KCND2: variants seen among roughly 807,000 people sequenced by gnomAD.
KCND2 encodes the protein potassium voltage-gated channel subfamily D member 2.
KCND2 carries 16 observed loss-of-function variants against 54.4 expected under a neutral mutation model. That is an observed-to-expected ratio of 0.29 (90% CI 0.20 to 0.45). KCND2 has a LOEUF of 0.45. Ranked by LOEUF, KCND2 falls within the 20% of genes least tolerant of loss-of-function variation. The pLI, the probability that KCND2 is intolerant of heterozygous loss-of-function variation, is 1.00. For synonymous variants in KCND2, 317 were observed against 310.7 expected (o/e 1.02, Z -0.21); for missense variants, 486 against 824.2 (o/e 0.59, Z 5.02).
intron 1 of KCND2, among the ~76,000 whole-genome samples, chr7:120,545,084 A>T (rs1792027182): frequency 6.6e-6 from 1 of 151,914 alleles, no homozygotes. Flanking sequence ...ATATATTCAA[A>T]CAAACATTAC....
chr7:120,378,027 G>C (rs796356474), intron 1 of KCND2, among the ~76,000 whole-genome samples: 7 of 152,072 alleles, frequency 4.6e-5, no homozygotes, highest in African/African-American at 1.7e-4. Context: ...TTAGAGGAGA[G>C]AGAATGATGC....
At chr7:120,535,592 C>G (rs1261162773) in intron 1 of KCND2, among the ~76,000 whole-genome samples, 1 of 152,152 alleles carries the variant, frequency 6.6e-6, no homozygotes, top group East Asian at 1.9e-4. Context: ...AAGCCTGCCT[C>G]CCACTGCTGT....
At chr7:120,368,122 A>G (rs1390458164) in intron 1 of KCND2, among the ~76,000 whole-genome samples, 1 of 152,128 alleles carries the variant, frequency 6.6e-6, no homozygotes, top group Non-Finnish European at 1.5e-5. Flanking sequence ...GCATTTCAGC[A>G]TCAGCTTTTA....
intron 1 of KCND2, among the ~76,000 whole-genome samples, chr7:120,619,286 G>A (rs906914327): frequency 8.5e-5 from 13 of 152,052 alleles, no homozygotes; most frequent in Admixed American, 3.3e-4. Context: ...AAAAATTAGC[G>A]GGACATGGTA....
At chr7:120,728,282 C>CTT (rs758218585) in intron 1 of KCND2, among the ~76,000 whole-genome samples, 5 of 138,870 alleles carry the variant, frequency 3.6e-5, no homozygotes, top group Non-Finnish European at 6.3e-5. Flanking sequence ...CGTTCTTCTT[C>CTT]TTTTTTTTTT....
intron 1 of KCND2, among the ~76,000 whole-genome samples, chr7:120,674,613 T>C (rs574413051): frequency 9.9e-5 from 15 of 152,266 alleles, no homozygotes; most frequent in African/African-American, 3.6e-4. Context: ...AGATAAATAT[T>C]TTCAGATAAA....
intron 1 of KCND2, among the ~76,000 whole-genome samples, chr7:120,540,415 G>T (rs191787008): frequency 6.6e-6 from 1 of 151,890 alleles, no homozygotes; most frequent in East Asian, 1.9e-4. Context: ...TCTCAATATA[G>T]TTACTTAAAT....
intron 1 of KCND2, among the ~76,000 whole-genome samples, chr7:120,582,711 A>T (rs1792533333): frequency 6.6e-6 from 1 of 152,222 alleles, no homozygotes; most frequent in Non-Finnish European, 1.5e-5. Context: ...AAGATATATA[A>T]TTAAATAATT....
intron 1 of KCND2, among the ~76,000 whole-genome samples, chr7:120,708,323 T>A (rs996934862): frequency 2.0e-5 from 3 of 152,080 alleles, no homozygotes; most frequent in Admixed American, 2.0e-4. Context: ...AACTGATAGG[T>A]GTGCATGAGA....
intron 1 of KCND2, among the ~76,000 whole-genome samples, chr7:120,702,783 A>G (rs1792419685): frequency 6.6e-6 from 1 of 152,132 alleles, no homozygotes; most frequent in African/African-American, 2.4e-5. Flanking sequence ...GACCACTGAA[A>G]GGTGGAGGGT....
chr7:120,705,587 G>A (rs900364976), intron 1 of KCND2, among the ~76,000 whole-genome samples: 1 of 152,100 alleles, frequency 6.6e-6, no homozygotes, highest in African/African-American at 2.4e-5. Context: ...TTCAATAACT[G>A]AGCGGGCATT....
intron 1 of KCND2, among the ~76,000 whole-genome samples, chr7:120,281,485 T>C (rs755380964): frequency 5.9e-5 from 9 of 151,980 alleles, no homozygotes; most frequent in Non-Finnish European, 8.8e-5. Context: ...TGCACTGCTC[T>C]TTGAATGTTT....
intron 1 of KCND2, among the ~76,000 whole-genome samples, chr7:120,644,157 A>G (rs1793409936): frequency 6.6e-6 from 1 of 152,148 alleles, no homozygotes; most frequent in Non-Finnish European, 1.5e-5. Context: ...GATAATATTT[A>G]AAGTCTAGGA....
chr7:120,708,000 G>A (rs1270630547), intron 1 of KCND2, among the ~76,000 whole-genome samples: 2 of 151,906 alleles, frequency 1.3e-5, no homozygotes, highest in Non-Finnish European at 1.5e-5. Context: ...GTTTTTTCAG[G>A]TAAAAAAGGT....
At chr7:120,288,110 T>A (rs901971945) in intron 1 of KCND2, among the ~76,000 whole-genome samples, 4 of 152,150 alleles carry the variant, frequency 2.6e-5, no homozygotes, top group African/African-American at 9.7e-5. Context: ...TTAAAGCTAC[T>A]GATTTTCTAA....
At chr7:120,485,920 T>G (rs1802686958) in intron 1 of KCND2, among the ~76,000 whole-genome samples, 1 of 152,216 alleles carries the variant, frequency 6.6e-6, no homozygotes, top group Admixed American at 6.5e-5. Context: ...ATATTTTAAA[T>G]GCATAAATAA....
intron 1 of KCND2, among the ~76,000 whole-genome samples, chr7:120,278,746 G>A (rs1036893247): frequency 2.6e-5 from 4 of 151,446 alleles, no homozygotes; most frequent in African/African-American, 4.8e-5. Flanking sequence ...TACTGTATAA[G>A]TCATTACTTA....
At chr7:120,642,414 A>C (rs1253249567) in intron 1 of KCND2, among the ~76,000 whole-genome samples, 22 of 150,762 alleles carry the variant, frequency 1.5e-4, no homozygotes, top group Non-Finnish European at 1.0e-4. Context: ...AAAAAAAAAA[A>C]AGCAGGGCGT....
At chr7:120,301,899 TATG>T (rs1390079407) in intron 1 of KCND2, among the ~76,000 whole-genome samples, 3 of 152,170 alleles carry the variant, frequency 2.0e-5, no homozygotes, top group Non-Finnish European at 4.4e-5. Context: ...GAGGTAACCA[TATG>T]ATAACTTTTT....
Sources: allele counts gnomAD v4.1 joint callset (sites outside exome capture counted in the v4.1 genomes callset), GRCh38; gene constraint gnomAD v4.1.1; transcripts MANE v1.5; gene names NCBI Gene and HGNC (gene_info 2026-07-23, HGNC 2026-07-21).